Variants in SEC14L5 observed in about 807,000 individuals in gnomAD.
SEC14L5 encodes SEC14-like protein 5.
Under a neutral mutation model 84.6 loss-of-function variants are expected in SEC14L5, and 96 were observed. The ratio of observed to expected loss-of-function variants is 1.13; its 90% CI spans 0.96 to 1.34. The LOEUF is 1.34. Ranked by LOEUF, SEC14L5 falls within the 40% of genes most tolerant of loss-of-function variation. The pLI, the probability that SEC14L5 is intolerant of heterozygous loss-of-function variation, is 0.00. For missense variants in SEC14L5, 1,224 were observed against 942.5 expected (o/e 1.30, Z -3.91); for synonymous variants, 546 against 383.4 (o/e 1.42, Z -4.95).
chr16:4,974,863 T>C (rs1955321705), intron 2 of SEC14L5, among the ~76,000 whole-genome samples: 1 of 151,322 alleles, frequency 6.6e-6, no homozygotes, highest in Non-Finnish European at 1.5e-5. Flanking sequence ...CTGCAACCTC[T>C]GCCTCCTGTA....
intron 3 of SEC14L5, 22 bp from the exon 4 acceptor site, chr16:4,988,127 C>A: frequency 6.2e-7 from 1 of 1,612,696 alleles, no homozygotes. Context: ...CCACCTCCGC[C>A]TCCCCGCCCC....
chr16:5,013,917 T>G (rs921013657), intron 15 of SEC14L5, among the ~76,000 whole-genome samples: 1 of 152,120 alleles, frequency 6.6e-6, no homozygotes, highest in African/African-American at 2.4e-5. Flanking sequence ...GGTCTCAAAC[T>G]CCTGGCCTCA....
At chr16:4,990,581 C>A (rs1955541834) in intron 4 of SEC14L5, among the ~76,000 whole-genome samples, 186 bp from the exon 5 acceptor site, 1 of 152,238 alleles carries the variant, frequency 6.6e-6, no homozygotes, top group Non-Finnish European at 1.5e-5. Context: ...TGTTCCCTGA[C>A]AGTTTGAACT....
At position 5,014,959 on chromosome 16, in the gene SEC14L5, G is replaced by C; in HGVS notation, c.2080G>C (p.Val694Leu). The C allele has an allele frequency of 1.2e-6, 2 of 1,610,582 alleles. No homozygotes were observed. The highest frequency in any genetic ancestry group is 1.7e-6 in the Non-Finnish European group (2 of 1,179,606). ...CGGCCAGTCTCATAGCAGCTCCCTGGTCTCCAGATAGCCGGGCCCAGTGTT... is the reference window on the plus strand; with the variant it reads ...CGGCCAGTCTCATAGCAGCTCCCTGCTCTCCAGATAGCCGGGCCCAGTGTT... ...SSGQSHSSSL[V>L]SR Residue 694 changes from valine (V) to leucine (L), a missense_variant, in exon 16 of 16, where the codon GTC becomes CTC. Physicochemically the swap from Val to Leu is conservative, Grantham distance 32. Transcript: ENST00000251170.
chr16:5,010,365 G>GAA (rs200952219), intron 14 of SEC14L5, among the ~76,000 whole-genome samples: 2 of 146,158 alleles, frequency 1.4e-5, no homozygotes, highest in African/African-American at 5.0e-5. Flanking sequence ...CTCCGTCTCA[G>GAA]AAAAAAAAAA....
At chr16:4,981,170 G>A (rs1955419048) in intron 2 of SEC14L5, among the ~76,000 whole-genome samples, 1 of 151,266 alleles carries the variant, frequency 6.6e-6, no homozygotes, top group Non-Finnish European at 1.5e-5. Flanking sequence ...ACGCTGGAGT[G>A]CAGTGGTGCG....
intron 13 of SEC14L5, among the ~76,000 whole-genome samples, 167 bp from the exon 14 acceptor site, chr16:5,008,254 A>T (rs1955756134): frequency 6.6e-6 from 1 of 152,016 alleles, no homozygotes; most frequent in Non-Finnish European, 1.5e-5. Context: ...GTTGCAGGCG[A>T]GGTCTCAGGA....
chr16:4,966,489 G>C (rs1955201860), intron 2 of SEC14L5, among the ~76,000 whole-genome samples: 1 of 148,502 alleles, frequency 6.7e-6, no homozygotes, highest in East Asian at 2.0e-4. Flanking sequence ...TGGCAAGGCT[G>C]GTCTGGAACT....
intron 2 of SEC14L5, among the ~76,000 whole-genome samples, chr16:4,981,123 A>C (rs2972291): frequency 0.13 from 19,152 of 151,458 alleles, 1,313 homozygotes; most frequent in Non-Finnish European, 0.15. Flanking sequence ...TTCTTTCTTT[A>C]TTTATTTATT....
Position 5,003,472 on chromosome 16 carries a change from C to T in SEC14L5, c.1201C>T (p.Leu401=), listed in dbSNP as rs746778339. 6 of 1,613,110 alleles carry T rather than the reference C, an allele frequency of 3.7e-6. No individual in the cohort carries two copies. The Admixed American group carries it at 5.0e-5, about 13-fold the overall frequency. The stretch of plus-strand genomic sequence containing the variant: ...CCTGTGGCGGCCGGGGGTGAAGGCC[C>T]TGCTGCGGATGATTGAGGTGGTTGA... ...RHLWRPGVKA[L]LRMIEVVEDN... Residue 401 remains leucine (L), a synonymous_variant, in exon 11 of 16, where the codon CTG becomes TTG. Transcript: ENST00000251170.
Position 5,017,372 on chromosome 16 carries a change from T to C in SEC14L5, c.*2402T>C, listed in dbSNP as rs987876858. The C allele has an allele frequency of 1.3e-5, 2 of 152,342 alleles. No individual in the cohort carries two copies. The highest frequency in any genetic ancestry group is 2.9e-5 in the Non-Finnish European group (2 of 68,136). 9.4% of individuals were successfully genotyped at this position (152,342 alleles called of 1,614,324 possible). ...CTGAAGGTGGGTGCTGCTTCAGATA[T>C]GGCTGGATCCAGGAGCTTAATGTCC... On this transcript the variant is annotated 3_prime_UTR_variant, in exon 16 of 16. Coordinates refer to ENST00000251170, the MANE Select transcript of SEC14L5 (RefSeq NM_014692.2).
intron 2 of SEC14L5, among the ~76,000 whole-genome samples, chr16:4,985,583 G>C (rs890712098): frequency 6.6e-6 from 1 of 152,102 alleles, no homozygotes; most frequent in African/African-American, 2.4e-5. Flanking sequence ...ATTTGCTGAA[G>C]AGATTATTCT....
At chr16:4,986,914 T>A (rs898584027) in intron 2 of SEC14L5, among the ~76,000 whole-genome samples, 1 of 152,234 alleles carries the variant, frequency 6.6e-6, no homozygotes, top group Non-Finnish European at 1.5e-5. Context: ...TTAGTTCTAA[T>A]CTTTTTGTGT....
intron 14 of SEC14L5, among the ~76,000 whole-genome samples, chr16:5,010,717 C>A (rs1432504889): frequency 6.6e-6 from 1 of 152,176 alleles, no homozygotes; most frequent in East Asian, 1.9e-4. Context: ...TCCACAAATT[C>A]TCTCTAAGCA....
intron 6 of SEC14L5, among the ~76,000 whole-genome samples, chr16:4,995,575 C>T (rs1334576671): frequency 1.3e-5 from 2 of 151,322 alleles, no homozygotes; most frequent in East Asian, 1.9e-4. Flanking sequence ...TTTACTCATT[C>T]GAGTTACTCC....
intron 15 of SEC14L5, among the ~76,000 whole-genome samples, chr16:5,011,957 C>G (rs924244521): frequency 2.0e-5 from 3 of 152,190 alleles, no homozygotes; most frequent in African/African-American, 4.8e-5. Flanking sequence ...TGATTTTGCA[C>G]CCTGCTTCAT....
intron 2 of SEC14L5, among the ~76,000 whole-genome samples, chr16:4,974,887 C>T (rs916892674): frequency 6.6e-6 from 1 of 151,984 alleles, no homozygotes; most frequent in Non-Finnish European, 1.5e-5. Flanking sequence ...AAGCGATTCT[C>T]CTGCCTCAGC....
In SEC14L5 at chr16:5,015,110, A is replaced by T. The variant is rs1955859687; in HGVS notation, c.*140A>T. The T allele has an allele frequency of 1.5e-6, 1 of 656,212 alleles. No homozygotes were observed. Among genetic ancestry groups the T allele is most frequent in the African/African-American group, 1.8e-5 (1 of 55,146 alleles). The allele number at this position is 656,212 out of a possible 1,614,324, so 40.6% of individuals were successfully genotyped here. A position where few individuals can be genotyped will look rare whatever the true frequency, so the allele number is the denominator to read the frequency against. The stretch of plus-strand genomic sequence containing the variant: ...ATGCTGCCCAAGTTGGGGTGTCTGG[A>T]GCGGATGGCAAGGATCCAGAACTGG... On this transcript the variant is annotated 3_prime_UTR_variant, in exon 16 of 16. Coordinates refer to ENST00000251170, the MANE Select transcript of SEC14L5 (RefSeq NM_014692.2).
rs193278911 is a variant in SEC14L5 at position 4,985,165 on chromosome 16, T to A, written c.64-2392T>A. ...AAGTTCATAAAGATTTATTCATATG[T>A]TTTCTTCTAAGAGTTTTGTAGTTTT... On this transcript the variant is annotated intron_variant, in intron 2 of 15. Transcript: ENST00000251170. Among the ~76,000 whole-genome samples the A allele has an allele frequency of 1.5e-4, 23 of 152,294 alleles. No homozygotes were observed. In the East Asian group the frequency reaches 3.1e-3, roughly 20 times the overall value.
Sources: allele counts gnomAD v4.1 joint callset (sites outside exome capture counted in the v4.1 genomes callset), GRCh38; gene constraint gnomAD v4.1.1; transcripts MANE v1.5; gene names NCBI Gene and HGNC (gene_info 2026-07-23, HGNC 2026-07-21).